The following COL15A1 variants were observed in gnomAD, a reference collection of about 807,000 sequenced individuals.
COL15A1 encodes the protein collagen type XV alpha 1 chain.
A neutral mutation model predicts 165.9 loss-of-function variants in COL15A1; 111 were observed. That is an observed-to-expected ratio of 0.67 (90% confidence interval 0.57 to 0.78). The LOEUF (loss-of-function observed/expected upper bound fraction) is 0.78. Among genes scored for constraint, COL15A1 ranks in the 30% least tolerant of loss-of-function variants. The pLI, the probability that COL15A1 is intolerant of heterozygous loss-of-function variation, is 0.00. For missense variants in COL15A1, 1,745 were observed against 1,789.7 expected, an observed-to-expected ratio of 0.98 and a Z score of 0.45; for synonymous variants, 659 against 674.8, an observed-to-expected ratio of 0.98 and a Z score of 0.36.
chr9:99,062,422 T>C, intron 38 of COL15A1, 118 bp downstream of exon 38: 1 of 778,556 alleles, frequency 1.3e-6, no homozygotes, highest in East Asian at 2.6e-5. Flanking sequence ...CACGGTTTAG[T>C]ATCTGGTGAA....
rs1825904909 is a variant in COL15A1 at position 99,066,953 on chromosome 9, C to T, written c.3723C>T (p.Ala1241=). 2 of 1,614,108 alleles carry T rather than the reference C, an allele frequency of 1.2e-6. No individual in the cohort carries two copies. The highest frequency in any genetic ancestry group is 1.7e-6 in the Non-Finnish European group (2 of 1,180,020). The part of the protein sequence containing the change: ...IRADFQCFKQ[A]RAAGLLSTYR... ...CTGATTTTCAGTGCTTCAAGCAGGC[C>T]AGAGCTGCAGGACTGTTGTCCACCT... is the stretch of plus-strand genomic sequence containing the variant. Residue 1241 remains alanine (A), a synonymous_variant, in exon 40 of 42, where the codon GCC becomes GCT. Transcript: ENST00000375001.
At position 99,017,543 on chromosome 9, in the gene COL15A1, G is replaced by A. The variant is rs75003591; in HGVS notation, c.1647+1424G>A. Among the ~76,000 whole-genome samples the A allele has an allele frequency of 5.6e-3, 848 of 152,274 alleles. 6 individuals are homozygous for A. Among genetic ancestry groups the A allele is most frequent in the African/African-American group, 0.019 (788 of 41,552 alleles). ...AACTCTGGTTTTTAACTCTGGTCACGCATTAGAGATGGCTGGGAAGCTTAA... is the reference window on the plus strand; with the variant it reads ...AACTCTGGTTTTTAACTCTGGTCACACATTAGAGATGGCTGGGAAGCTTAA... On this transcript the variant is annotated intron_variant, in intron 11 of 41. Transcript: ENST00000375001.
At chr9:98,962,736 T>C (rs1269848428) in intron 2 of COL15A1, among the ~76,000 whole-genome samples, 2 of 152,208 alleles carry the variant, frequency 1.3e-5, no homozygotes, top group Admixed American at 1.3e-4. Context: ...TTGCAAAGGA[T>C]ACATGGACAT....
intron 9 of COL15A1, among the ~76,000 whole-genome samples, chr9:99,006,332 A>G (rs773244098): frequency 1.4e-4 from 22 of 152,242 alleles, no homozygotes; most frequent in Non-Finnish European, 2.8e-4. Flanking sequence ...GTTCATTGAC[A>G]TACTTCATTC....
rs891837920 is a variant in COL15A1 at position 99,015,652 on chromosome 9, G to C, written c.1503+86G>C. Reference sequence around the variant, plus strand: ...CAACAGTCATCCTTGGCCTTGGCAGGGGCACCTGTAGCTTGGTTATGAGCA... The same window carrying C: ...CAACAGTCATCCTTGGCCTTGGCAGCGGCACCTGTAGCTTGGTTATGAGCA... On this transcript the variant is annotated intron_variant, in intron 10 of 41. Coordinates refer to ENST00000375001, the MANE Select transcript of COL15A1 (RefSeq NM_001855.5). 1.4e-5 allele frequency: 19 copies of C among 1,336,656 alleles called. No individual in the cohort carries two copies. In the African/African-American group the frequency reaches 2.6e-4, roughly 18 times the overall value. 82.8% of individuals were successfully genotyped at this position (1,336,656 alleles called of 1,614,324 possible).
intron 2 of COL15A1, among the ~76,000 whole-genome samples, chr9:98,966,119 A>G (rs964872200): frequency 3.3e-5 from 5 of 152,142 alleles, no homozygotes; most frequent in Non-Finnish European, 5.9e-5. Context: ...GGGAGGGAAG[A>G]GAGAGGACCA....
intron 2 of COL15A1, among the ~76,000 whole-genome samples, chr9:98,964,805 TG>T (rs1837928692): frequency 6.6e-6 from 1 of 152,190 alleles, no homozygotes; most frequent in Admixed American, 6.5e-5. Flanking sequence ...TTTCTCATCT[TG>T]GGGACATTGG....
chr9:99,016,040 G>T lies in COL15A1; in HGVS notation c.1568G>T (p.Gly523Val), dbSNP rs754915367. ...TTEEPLITAG[G>V]EESGSPPPDG... ...GAGGAGCCCCTCATCACAGCTGGGG[G>T]TGAAGAGTCCGGCAGCCCTCCCCCT... Residue 523 changes from glycine to valine, a missense_variant, in exon 11 of 42, where the codon GGT (glycine) becomes GTT (valine). Physicochemically the swap from Gly to Val is moderately radical, Grantham distance 109. Transcript: ENST00000375001. The T allele has an allele frequency of 6.2e-7, 1 of 1,614,084 alleles. No homozygotes were observed. Among genetic ancestry groups the T allele is most frequent in the Non-Finnish European group, 8.5e-7 (1 of 1,179,928 alleles).
intron 24 of COL15A1, 84 bp downstream of exon 24, chr9:99,042,191 T>C (rs1839417323): frequency 1.1e-6 from 1 of 938,776 alleles, no homozygotes; most frequent in African/African-American, 1.7e-5. Flanking sequence ...GCTATTAACT[T>C]TTCTCTTCTT....
chr9:98,950,118 T>G, intron 2 of COL15A1, among the ~76,000 whole-genome samples: 1 of 152,226 alleles, frequency 6.6e-6, no homozygotes, highest in East Asian at 1.9e-4. Flanking sequence ...ATTTCTACCT[T>G]TTGTTTTTTG....
intron 16 of COL15A1, 114 bp from the exon 17 acceptor site, chr9:99,034,435 G>T: frequency 6.9e-7 from 1 of 1,445,286 alleles, no homozygotes; most frequent in Non-Finnish European, 9.2e-7. Flanking sequence ...GAGACAGAAA[G>T]AGTCCTATTT....
At chr9:98,966,557 C>T (rs534827042) in intron 2 of COL15A1, among the ~76,000 whole-genome samples, 4 of 152,136 alleles carry the variant, frequency 2.6e-5, no homozygotes, top group Non-Finnish European at 5.9e-5. Context: ...AGGGGAAGCC[C>T]GGTTGTTCAC....
chr9:99,002,075 C>T (rs1838665987), intron 7 of COL15A1, among the ~76,000 whole-genome samples: 1 of 150,308 alleles, frequency 6.7e-6, no homozygotes, highest in Non-Finnish European at 1.5e-5. Context: ...TTCTCCATCC[C>T]CCTCCCCTCC....
intron 17 of COL15A1, among the ~76,000 whole-genome samples, 179 bp downstream of exon 17, chr9:99,034,763 G>A (rs1839269187): frequency 6.6e-6 from 1 of 152,054 alleles, no homozygotes; most frequent in Admixed American, 6.5e-5. Flanking sequence ...GGATGGTGGG[G>A]AGTAAACACA....
Position 99,049,698 on chromosome 9 carries a change from T to A in COL15A1, c.2802T>A (p.Pro934=). Residue 934 remains proline (P), a synonymous_variant, in exon 29 of 42, where the codon CCT becomes CCA. Transcript: ENST00000375001. Reference sequence around the variant, plus strand: ...TTTTTTTCTTCCTTCAGGGCCCACCTGGCTTACCTGGCCCTCCAGGCCCCC... The same window carrying A: ...TTTTTTTCTTCCTTCAGGGCCCACCAGGCTTACCTGGCCCTCCAGGCCCCC... ...GDPGVIMQGP[P]GLPGPPGPPG... is the part of the protein sequence containing the mutation. 1 of 1,613,502 alleles carries A rather than the reference T, an allele frequency of 6.2e-7. No homozygotes were observed. The highest frequency in any genetic ancestry group is 8.5e-7 in the Non-Finnish European group (1 of 1,179,998).
chr9:99,067,131 GT>G, intron 40 of COL15A1, 64 bp downstream of exon 40: 2 of 1,377,732 alleles, frequency 1.5e-6, no homozygotes, highest in Non-Finnish European at 2.0e-6. Flanking sequence ...CCTGGAGGCA[GT>G]TTTCATTCCT....
At chr9:98,989,284 T>G (rs747378764) in intron 5 of COL15A1, 26 bp downstream of exon 5, 10 of 1,581,884 alleles carry the variant, frequency 6.3e-6, no homozygotes, top group Non-Finnish European at 8.7e-6. Flanking sequence ...CTGTGCCATG[T>G]GATCTTGCTC....
At chr9:99,007,371 T>A (rs1289941683) in intron 9 of COL15A1, among the ~76,000 whole-genome samples, 1 of 152,258 alleles carries the variant, frequency 6.6e-6, no homozygotes, top group East Asian at 1.9e-4. Context: ...TCCCTTTGGC[T>A]TAGTGATTTT....
At chr9:99,069,118 C>A (rs534885754) in intron 41 of COL15A1, among the ~76,000 whole-genome samples, 6 of 152,340 alleles carry the variant, frequency 3.9e-5, no homozygotes, top group Non-Finnish European at 8.8e-5. Flanking sequence ...CCTCTCCTCA[C>A]TGCCTACTCT....
Sources: allele counts gnomAD v4.1 joint callset (sites outside exome capture counted in the v4.1 genomes callset), GRCh38; gene constraint gnomAD v4.1.1; transcripts MANE v1.5; gene names NCBI Gene and HGNC (gene_info 2026-07-23, HGNC 2026-07-21).